Variants in NRXN3 observed in about 807,000 individuals in gnomAD.
The protein encoded by NRXN3 is neurexin 3.
A neutral mutation model predicts 137.6 loss-of-function variants in NRXN3; 32 were observed. The ratio of observed to expected loss-of-function variants is 0.23; its 90% CI spans 0.18 to 0.31. The LOEUF is 0.31. Ranked by LOEUF, NRXN3 falls within the 10% of genes least tolerant of loss-of-function variation. NRXN3 has a pLI of 1.00. For synonymous variants in NRXN3, 798 were observed against 784.5 expected, an observed-to-expected ratio of 1.02 and a Z score of -0.29; for missense variants, 1,574 against 2,062.5, an observed-to-expected ratio of 0.76 and a Z score of 4.59.
chr14:78,449,298 C>T (rs889485312), intron 4 of NRXN3, among the ~76,000 whole-genome samples: 7 of 152,188 alleles, frequency 4.6e-5, no homozygotes, highest in East Asian at 1.9e-4. Flanking sequence ...CCGTAACCTC[C>T]GCCTTTCAGG....
chr14:79,250,792 A>C (rs1220445784), intron 15 of NRXN3, among the ~76,000 whole-genome samples: 1 of 152,212 alleles, frequency 6.6e-6, no homozygotes, highest in African/African-American at 2.4e-5. Context: ...ATTCTGATCC[A>C]ATTTCATGCA....
chr14:79,087,069 C>T (rs2048266562), intron 15 of NRXN3, among the ~76,000 whole-genome samples: 1 of 152,096 alleles, frequency 6.6e-6, no homozygotes, highest in South Asian at 2.1e-4. Flanking sequence ...AAGTGGCCAA[C>T]CTGAAGATCA....
intron 17 of NRXN3, among the ~76,000 whole-genome samples, chr14:79,685,925 C>A (rs945831161): frequency 2.0e-5 from 3 of 152,122 alleles, no homozygotes; most frequent in African/African-American, 7.2e-5. Context: ...CATGAACATT[C>A]GGATAGCTGG....
intron 4 of NRXN3, among the ~76,000 whole-genome samples, chr14:78,510,040 T>A (rs1031345858): frequency 2.8e-5 from 4 of 144,414 alleles, no homozygotes; most frequent in South Asian, 2.2e-4. Flanking sequence ...TGACAAAATT[T>A]TATATATATA....
At chr14:79,555,980 A>G (rs1306148018) in intron 16 of NRXN3, among the ~76,000 whole-genome samples, 7 of 152,258 alleles carry the variant, frequency 4.6e-5, no homozygotes, top group East Asian at 3.9e-4. Flanking sequence ...GTCAACCTCA[A>G]TGGAGACTGG....
At chr14:78,959,941 A>T (rs1223993006) in intron 11 of NRXN3, among the ~76,000 whole-genome samples, 1 of 152,198 alleles carries the variant, frequency 6.6e-6, no homozygotes, top group Non-Finnish European at 1.5e-5. Context: ...TTCCCTGGAA[A>T]ATAAATGCTC....
intron 19 of NRXN3, among the ~76,000 whole-genome samples, chr14:79,751,375 C>G (rs1366289196): frequency 6.6e-6 from 1 of 151,670 alleles, no homozygotes; most frequent in Non-Finnish European, 1.5e-5. Context: ...CTCTGTTTGT[C>G]TGTTGTTGGT....
intron 15 of NRXN3, among the ~76,000 whole-genome samples, chr14:79,451,600 G>A (rs150865161): frequency 6.6e-6 from 1 of 152,296 alleles, no homozygotes; most frequent in African/African-American, 2.4e-5. Context: ...AGCTGTGCCT[G>A]TAAGTTACCA....
chr14:79,653,386 A>G (rs1331902212), intron 16 of NRXN3, among the ~76,000 whole-genome samples: 2 of 152,238 alleles, frequency 1.3e-5, no homozygotes, highest in African/African-American at 4.8e-5. Context: ...GCTATCTTTT[A>G]GAGTCCCAAG....
chr14:78,379,293 C>G (rs2088573236), intron 4 of NRXN3, among the ~76,000 whole-genome samples: 1 of 152,102 alleles, frequency 6.6e-6, no homozygotes, highest in Non-Finnish European at 1.5e-5. Flanking sequence ...ATACCCAAAA[C>G]CAGACAAAGA....
At chr14:79,336,566 G>T (rs148370892) in intron 15 of NRXN3, among the ~76,000 whole-genome samples, 1 of 152,248 alleles carries the variant, frequency 6.6e-6, no homozygotes, top group African/African-American at 2.4e-5. Context: ...GCAAACAAAT[G>T]GCATGGCCTG....
intron 16 of NRXN3, among the ~76,000 whole-genome samples, chr14:79,636,119 G>A (rs2098401699): frequency 6.6e-6 from 1 of 152,124 alleles, no homozygotes; most frequent in Non-Finnish European, 1.5e-5. Flanking sequence ...TTTTGAGTTA[G>A]GATGCATTCT....
At chr14:79,441,448 T>G (rs369677513) in intron 15 of NRXN3, among the ~76,000 whole-genome samples, 2 of 141,558 alleles carry the variant, frequency 1.4e-5, no homozygotes, top group South Asian at 2.4e-4. Flanking sequence ...GGTGCGATCT[T>G]GGCTCACTGC....
chr14:79,488,785 CA>C (rs1436126479), intron 16 of NRXN3, among the ~76,000 whole-genome samples: 1 of 152,076 alleles, frequency 6.6e-6, no homozygotes, highest in Non-Finnish European at 1.5e-5. Context: ...TCAACAGGGG[CA>C]GGGGTAGATT....
intron 4 of NRXN3, among the ~76,000 whole-genome samples, chr14:78,313,503 T>C (rs1026528758): frequency 3.9e-5 from 6 of 152,140 alleles, no homozygotes; most frequent in Admixed American, 3.9e-4. Context: ...TTAACAAAAC[T>C]TTCTCGTATC....
chr14:78,194,279 A>C (rs181348607), intron 1 of NRXN3, among the ~76,000 whole-genome samples: 1 of 152,128 alleles, frequency 6.6e-6, no homozygotes, highest in Non-Finnish European at 1.5e-5. Flanking sequence ...TTTACCATGG[A>C]GGCTCATATC....
intron 16 of NRXN3, among the ~76,000 whole-genome samples, chr14:79,629,779 A>G (rs1052767810): frequency 6.6e-6 from 1 of 151,804 alleles, no homozygotes; most frequent in African/African-American, 2.4e-5. Context: ...ATGCACGGTG[A>G]TAAAGAACAG....
intron 4 of NRXN3, among the ~76,000 whole-genome samples, chr14:78,524,288 A>G (rs1002409211): frequency 5.9e-5 from 9 of 152,228 alleles, no homozygotes; most frequent in African/African-American, 2.2e-4. Context: ...AACGTGGAGA[A>G]AAGTCCTTAC....
chr14:78,751,068 G>A (rs2098639152), intron 8 of NRXN3, among the ~76,000 whole-genome samples: 1 of 152,174 alleles, frequency 6.6e-6, no homozygotes, highest in South Asian at 2.1e-4. Flanking sequence ...GCTCTCTGAA[G>A]CCTCTTAGAT....
Sources: gnomAD v4.1 joint callset for allele counts (sites outside exome capture counted in the v4.1 genomes callset) on GRCh38, gnomAD v4.1.1 for gene constraint, MANE v1.5 for transcripts, NCBI Gene and HGNC (gene_info 2026-07-23, HGNC 2026-07-21) for gene names.